Variants in HNRNPM observed in about 807,000 individuals in gnomAD.
The protein encoded by HNRNPM is CEA receptor.
In HNRNPM, 11 loss-of-function variants were observed where a neutral mutation model predicts 73.1. The observed-to-expected ratio is 0.15, with a 90% CI of 0.09 to 0.25. HNRNPM has a LOEUF of 0.25. Ranked by LOEUF, HNRNPM falls within the 10% of genes least tolerant of loss-of-function variation. The probability of loss-of-function intolerance (pLI) is 1.00; values close to 1 mark genes in which losing one functional copy is unlikely to be tolerated. For missense variants in HNRNPM, 789 were observed against 1,067.9 expected (o/e 0.74, Z 3.64); for synonymous variants, 407 against 355.2 (o/e 1.15, Z -1.64).
chr19:8,457,878 T>TA (rs1969130236), intron 2 of HNRNPM, among the ~76,000 whole-genome samples: 1 of 152,238 alleles, frequency 6.6e-6, no homozygotes, highest in Admixed American at 6.5e-5. Context: ...TAGAGGCACT[T>TA]ACAACCCTAA....
chr19:8,486,137 G>A lies in HNRNPM; in HGVS notation c.1709G>A (p.Arg570His), dbSNP rs1340482023. 4 of 1,604,930 alleles carry A rather than the reference G, an allele frequency of 2.5e-6. No individual in the cohort carries two copies. Among genetic ancestry groups the A allele is most frequent in the Non-Finnish European group, 3.4e-6 (4 of 1,178,732 alleles). ...AATCTGGAGCGGATGGGCCTGGAGCGCATGGGCGCCAACAGCCTCGAGCGC... is the reference window on the plus strand; with the variant it reads ...AATCTGGAGCGGATGGGCCTGGAGCACATGGGCGCCAACAGCCTCGAGCGC... ...ANNLERMGLE[R>H]MGANSLERMG... Residue 570 changes from arginine (R) to histidine (H), a missense_variant, in exon 14 of 16, where the codon CGC becomes CAC. Transcript: ENST00000325495.
rs901489331 is a variant in HNRNPM at position 8,456,878 on chromosome 19, A to G, written c.283+1304A>G. Among the ~76,000 whole-genome samples, 3 of 152,212 alleles carry G rather than the reference A, an allele frequency of 2.0e-5. No individual in the cohort carries two copies. The East Asian group carries it at 5.8e-4, about 29-fold the overall frequency. ...CATTCCTGCCAATGCTCCTAGGGCAAGAGTGCAGTTTCTTCTTTTTGTCTG... is the reference window on the plus strand; with the variant it reads ...CATTCCTGCCAATGCTCCTAGGGCAGGAGTGCAGTTTCTTCTTTTTGTCTG... On this transcript the variant is annotated intron_variant, in intron 2 of 15. Transcript: ENST00000325495.
rs747876503 is a variant in HNRNPM, at chr19:8,444,983, C to G, written c.-16C>G. On this transcript the variant is annotated 5_prime_UTR_variant, in exon 1 of 16. Transcript: ENST00000325495. ...GTGCAGCCCGTTCGCTCACACAAAG[C>G]CCAGACGCGGAGAAAATGGCGGCAG... is the stretch of plus-strand genomic sequence containing the variant. 13 of 1,397,884 alleles carry G rather than the reference C, an allele frequency of 9.3e-6. No homozygotes were observed. Among genetic ancestry groups the G allele is most frequent in the Non-Finnish European group, 1.2e-5 (13 of 1,075,964 alleles). 86.6% of individuals were successfully genotyped at this position (1,397,884 alleles called of 1,614,324 possible).
chr19:8,455,367 T>C (rs1284009512), intron 1 of HNRNPM, 38 bp from the exon 2 acceptor site: 21 of 1,560,110 alleles, frequency 1.3e-5, no homozygotes, highest in East Asian at 2.2e-5. Context: ...TGCTGACATA[T>C]AAACCCTTTA....
chr19:8,463,361 G>T, intron 3 of HNRNPM, 136 bp from the exon 4 acceptor site: 2 of 994,238 alleles, frequency 2.0e-6, no homozygotes, highest in Non-Finnish European at 3.1e-6. Context: ...CCTTAGAAGG[G>T]TTCATTTTAA....
chr19:8,486,565 T>G (rs1198168780), intron 14 of HNRNPM, among the ~76,000 whole-genome samples, 160 bp downstream of exon 14: 1 of 152,192 alleles, frequency 6.6e-6, no homozygotes, highest in Non-Finnish European at 1.5e-5. Flanking sequence ...GTAAGGAATG[T>G]GAGAACTGTG....
chr19:8,476,724 T>A (rs1238757134), intron 12 of HNRNPM, among the ~76,000 whole-genome samples: 27 of 152,146 alleles, frequency 1.8e-4, no homozygotes, highest in Admixed American at 1.8e-3. Context: ...AGTTATGAGG[T>A]CCTTGCCAAC....
In HNRNPM at chr19:8,458,629, G is replaced by A. The variant is rs117399372; in HGVS notation, c.283+3055G>A. 1.1e-4 allele frequency among the ~76,000 whole-genome samples: 17 copies of A among 152,378 alleles called. No individual in the cohort carries two copies. The East Asian group carries it at 3.1e-3, about 28-fold the overall frequency. On this transcript the variant is annotated intron_variant, in intron 2 of 15. Coordinates refer to ENST00000325495, the MANE Select transcript of HNRNPM (RefSeq NM_005968.5). The stretch of plus-strand genomic sequence containing the variant: ...TGAGGAAGAAAGGAAGGTCAGGGAT[G>A]TAGTTTACCCTCAGTCGATCCGAAG...
At chr19:8,447,180 C>A (rs1448106447) in intron 1 of HNRNPM, among the ~76,000 whole-genome samples, 1 of 151,218 alleles carries the variant, frequency 6.6e-6, no homozygotes, top group African/African-American at 2.4e-5. Flanking sequence ...CTCAAAGTCT[C>A]AAAGTCTAGT....
chr19:8,483,303 G>T, intron 13 of HNRNPM, 92 bp downstream of exon 13: 1 of 940,072 alleles, frequency 1.1e-6, no homozygotes, highest in Non-Finnish European at 1.7e-6. Flanking sequence ...TGCGGGTTCT[G>T]ACACAGACTG....
In HNRNPM at chr19:8,444,991, C is replaced by T. The variant is rs369314898; in HGVS notation, c.-8C>T. The stretch of plus-strand genomic sequence containing the variant: ...CGTTCGCTCACACAAAGCCCAGACG[C>T]GGAGAAAATGGCGGCAGGGGTCGAA... On this transcript the variant is annotated 5_prime_UTR_variant, in exon 1 of 16. Coordinates refer to ENST00000325495, the MANE Select transcript of HNRNPM (RefSeq NM_005968.5). The T allele has an allele frequency of 1.1e-5, 16 of 1,406,600 alleles. 1 individual carries two copies. The highest frequency in any genetic ancestry group is 2.9e-5 in the East Asian group (1 of 34,344). The allele number at this position is 1,406,600 out of a possible 1,614,324, so 87.1% of individuals were successfully genotyped here.
intron 2 of HNRNPM, among the ~76,000 whole-genome samples, chr19:8,456,434 G>C: frequency 6.6e-6 from 1 of 152,208 alleles, no homozygotes; most frequent in East Asian, 1.9e-4. Context: ...ACAACACCGT[G>C]GTAGAGAACA....
chr19:8,470,400 T>C (rs892268396), intron 9 of HNRNPM, among the ~76,000 whole-genome samples: 1 of 152,224 alleles, frequency 6.6e-6, no homozygotes, highest in African/African-American at 2.4e-5. Context: ...CGGTCTTGGC[T>C]TGCTGCAACC....
At chr19:8,475,683 G>T (rs1970451009) in intron 12 of HNRNPM, among the ~76,000 whole-genome samples, 2 of 152,194 alleles carry the variant, frequency 1.3e-5, no homozygotes, top group Admixed American at 1.3e-4. Context: ...TGCGTTTCCA[G>T]TGTACATTCA....
chr19:8,458,926 G>A (rs1377093853), intron 2 of HNRNPM, among the ~76,000 whole-genome samples: 2 of 152,128 alleles, frequency 1.3e-5, no homozygotes, highest in African/African-American at 4.8e-5. Flanking sequence ...TGTTGGAAAT[G>A]CAGCCTGTAT....
intron 5 of HNRNPM, among the ~76,000 whole-genome samples, chr19:8,464,639 AC>A (rs1036121953): frequency 9.2e-5 from 14 of 152,214 alleles, no homozygotes; most frequent in African/African-American, 3.1e-4. Flanking sequence ...TCTCAAAAAA[AC>A]ATCCCTCTTA....
intron 12 of HNRNPM, among the ~76,000 whole-genome samples, chr19:8,477,809 A>C (rs140871141): frequency 6.6e-6 from 1 of 152,232 alleles, no homozygotes; most frequent in African/African-American, 2.4e-5. Flanking sequence ...ATGCACACGC[A>C]TTTCTGTGTT....
chr19:8,455,493 A>G lies in HNRNPM; in HGVS notation c.202A>G (p.Thr68Ala), dbSNP rs1309565876. 1.1e-5 allele frequency: 17 copies of G among 1,613,828 alleles called. No individual in the cohort carries two copies. Among genetic ancestry groups the G allele is most frequent in the African/African-American group, 2.7e-5 (2 of 74,942 alleles). Residue 68 changes from threonine to alanine, a missense_variant, in exon 2 of 16, where the codon ACT becomes GCT. By Grantham distance (58) the Thr-to-Ala change is moderately conservative. Transcript: ENST00000325495. Reference sequence around the variant, plus strand: ...TCGCTTTGAGCCATATGCCAATCCAACTAAAAGATACAGAGCCTTCATTAC... The same window carrying G: ...TCGCTTTGAGCCATATGCCAATCCAGCTAAAAGATACAGAGCCTTCATTAC... ...GNRFEPYANP[T>A]KRYRAFITNI...
intron 12 of HNRNPM, chr19:8,482,793 G>A (rs2145744850): frequency 5.4e-6 from 1 of 184,680 alleles, no homozygotes; most frequent in Non-Finnish European, 1.1e-5. Context: ...GGAAGCCTCA[G>A]TCCTGAGAGC....
Sources: gnomAD v4.1 joint callset for allele counts (sites outside exome capture counted in the v4.1 genomes callset) on GRCh38, gnomAD v4.1.1 for gene constraint, MANE v1.5 for transcripts, NCBI Gene and HGNC (gene_info 2026-07-23, HGNC 2026-07-21) for gene names.